LIMCH1: variants seen among roughly 807,000 people sequenced by gnomAD.
LIMCH1 encodes LIM and calponin homology domains 1.
Under a neutral mutation model 176.5 loss-of-function variants are expected in LIMCH1, and 113 were observed. That is an observed-to-expected ratio of 0.64 (90% CI 0.55 to 0.75). LIMCH1 has a LOEUF of 0.75. Ranked by LOEUF, LIMCH1 falls within the 30% of genes least tolerant of loss-of-function variation. LIMCH1 has a pLI of 0.00. For synonymous variants in LIMCH1, 619 were observed against 645.9 expected, an observed-to-expected ratio of 0.96 and a Z score of 0.63; for missense variants, 1,674 against 1,814.9, an observed-to-expected ratio of 0.92 and a Z score of 1.41.
Position 41,615,530 on chromosome 4 carries a change from TA to T in LIMCH1, c.205+1870del, listed in dbSNP as rs1241477833. ...ACACAGATTTTACCAATCAACCCGATACCTTAAGGCTTATGCTCTTGTAAAC... is the reference window on the plus strand; with the variant it reads ...ACACAGATTTTACCAATCAACCCGATCCTTAAGGCTTATGCTCTTGTAAAC... On this transcript the variant is annotated intron_variant, in intron 5 of 31. Coordinates refer to ENST00000503057, the MANE Select transcript of LIMCH1 (RefSeq NM_001330672.2). Among the ~76,000 whole-genome samples, 4 of 152,320 alleles carry T rather than the reference TA, an allele frequency of 2.6e-5. 1 individual carries two copies. Among genetic ancestry groups the T allele is most frequent in the African/African-American group, 9.6e-5 (4 of 41,576 alleles).
chr4:41,612,712 G>C (rs2091579202), intron 4 of LIMCH1: 2 of 698,532 alleles, frequency 2.9e-6, no homozygotes, highest in Non-Finnish European at 5.2e-6. Context: ...GACAGCCATT[G>C]TTCTCCCTGC....
At chr4:41,569,240 C>A (rs1040147691) in intron 1 of LIMCH1, among the ~76,000 whole-genome samples, 1 of 152,088 alleles carries the variant, frequency 6.6e-6, no homozygotes, top group East Asian at 1.9e-4. Flanking sequence ...TTGAAGACTT[C>A]GGTCTGTGGC....
At chr4:41,648,219 A>G (rs1326018202) in intron 17 of LIMCH1, among the ~76,000 whole-genome samples, 8 of 152,212 alleles carry the variant, frequency 5.3e-5, no homozygotes, top group Admixed American at 5.2e-4. Flanking sequence ...CATTTATTTA[A>G]CTGGATTTCC....
chr4:41,529,454 G>A (rs570992250), intron 3 of LIMCH1, among the ~76,000 whole-genome samples: 1 of 152,320 alleles, frequency 6.6e-6, no homozygotes, highest in Non-Finnish European at 1.5e-5. Context: ...TTTTCCATGG[G>A]TCTGTAAGGA....
intron 4 of LIMCH1, among the ~76,000 whole-genome samples, chr4:41,608,265 C>T (rs2090991370): frequency 6.6e-6 from 1 of 152,192 alleles, no homozygotes; most frequent in African/African-American, 2.4e-5. Flanking sequence ...TCCATGCTCT[C>T]CCTTTAAACA....
At chr4:41,489,826 C>T (rs541628774) in intron 1 of LIMCH1, among the ~76,000 whole-genome samples, 5 of 152,104 alleles carry the variant, frequency 3.3e-5, no homozygotes, top group South Asian at 4.2e-4. Flanking sequence ...AGAAAATTCA[C>T]GTGAAATTTT....
chr4:41,667,403 A>G lies in LIMCH1; in HGVS notation c.3397+737A>G, dbSNP rs950958824. On this transcript the variant is annotated intron_variant, in intron 21 of 31. Coordinates refer to ENST00000503057, the MANE Select transcript of LIMCH1 (RefSeq NM_001330672.2). ...ACATAAATTACATTCTCATATATAT[A>G]TGAGAAACGTGTGTGTGTGTGTAAT... Among the ~76,000 whole-genome samples the G allele has an allele frequency of 2.0e-5, 3 of 148,508 alleles. No homozygotes were observed. In the Admixed American group the frequency reaches 2.1e-4, roughly 10 times the overall value.
At chr4:41,404,506 G>T (rs997937026) in intron 1 of LIMCH1, among the ~76,000 whole-genome samples, 1 of 152,082 alleles carries the variant, frequency 6.6e-6, no homozygotes, top group South Asian at 2.1e-4. Flanking sequence ...GGCTGGGTGC[G>T]GTGGCTCACG....
chr4:41,571,017 G>A (rs765258758), intron 1 of LIMCH1, among the ~76,000 whole-genome samples: 3 of 152,132 alleles, frequency 2.0e-5, no homozygotes, highest in Non-Finnish European at 2.9e-5. Flanking sequence ...ATTGTTGACC[G>A]TAAGAGGATT....
chr4:41,559,530 C>T (rs569980789), intron 1 of LIMCH1, among the ~76,000 whole-genome samples: 9 of 152,172 alleles, frequency 5.9e-5, no homozygotes, highest in African/African-American at 2.2e-4. Context: ...CTCCGACTCC[C>T]GTTTTCTTCA....
intron 6 of LIMCH1, chr4:41,620,137 T>C (rs2092453430): frequency 2.7e-6 from 1 of 367,564 alleles, no homozygotes; most frequent in Non-Finnish European, 4.9e-6. Context: ...AAAGATGTTA[T>C]TACAATTTTT....
intron 1 of LIMCH1, among the ~76,000 whole-genome samples, chr4:41,582,295 A>G (rs1160893763): frequency 1.3e-5 from 2 of 152,230 alleles, no homozygotes; most frequent in African/African-American, 4.8e-5. Flanking sequence ...CCAAGGAATC[A>G]TGATCCACAG....
chr4:41,468,439 A>G (rs907877781), intron 1 of LIMCH1, among the ~76,000 whole-genome samples: 2 of 138,164 alleles, frequency 1.4e-5, no homozygotes, highest in East Asian at 2.2e-4. Flanking sequence ...CCTTCCTTCT[A>G]TCTTCCTTTG....
At chr4:41,617,107 A>G (rs1396964843) in intron 5 of LIMCH1, among the ~76,000 whole-genome samples, 1 of 152,070 alleles carries the variant, frequency 6.6e-6, no homozygotes, top group Non-Finnish European at 1.5e-5. Context: ...GTGTGTATAG[A>G]TACTATACAC....
intron 2 of LIMCH1, among the ~76,000 whole-genome samples, chr4:41,506,693 A>G (rs962475717): frequency 2.0e-5 from 3 of 152,236 alleles, no homozygotes; most frequent in Non-Finnish European, 4.4e-5. Flanking sequence ...TTAATTGACT[A>G]TTAAGAATAG....
intron 7 of LIMCH1, among the ~76,000 whole-genome samples, chr4:41,625,683 G>A (rs1369049243): frequency 1.3e-5 from 2 of 152,018 alleles, no homozygotes; most frequent in African/African-American, 4.8e-5. Flanking sequence ...AATGAGTCTT[G>A]CCACACTGGG....
intron 1 of LIMCH1, among the ~76,000 whole-genome samples, chr4:41,403,022 A>C (rs2058620000): frequency 6.6e-6 from 1 of 152,084 alleles, no homozygotes. Context: ...GCTGAAAATG[A>C]AACTAGTAGG....
intron 1 of LIMCH1, among the ~76,000 whole-genome samples, chr4:41,455,627 C>CA (rs1180446476): frequency 2.0e-5 from 3 of 151,874 alleles, no homozygotes; most frequent in East Asian, 1.9e-4. Flanking sequence ...ACTCAAAAAA[C>CA]AAAAAAACAA....
intron 1 of LIMCH1, among the ~76,000 whole-genome samples, chr4:41,572,101 G>T (rs924281982): frequency 6.6e-6 from 1 of 152,156 alleles, no homozygotes; most frequent in Non-Finnish European, 1.5e-5. Context: ...GCTGAGATGG[G>T]CACTGAGTAT....
Sources: allele counts gnomAD v4.1 joint callset (sites outside exome capture counted in the v4.1 genomes callset), GRCh38; gene constraint gnomAD v4.1.1; transcripts MANE v1.5; gene names NCBI Gene and HGNC (gene_info 2026-07-23, HGNC 2026-07-21).